The following PES1 variants were observed in gnomAD, a reference collection of about 807,000 sequenced individuals.
PES1 encodes pescadillo ribosomal biogenesis factor 1.
A neutral mutation model predicts 77.1 loss-of-function variants in PES1; 31 were observed. The ratio of observed to expected loss-of-function variants is 0.40; its 90% CI spans 0.30 to 0.54. The LOEUF is 0.54. Ranked by LOEUF, PES1 falls within the 20% of genes least tolerant of loss-of-function variation. The pLI, the probability that PES1 is intolerant of heterozygous loss-of-function variation, is 0.45. For missense variants in PES1, 658 were observed against 771.7 expected, an observed-to-expected ratio of 0.85 and a Z score of 1.75; for synonymous variants, 282 against 303.0, an observed-to-expected ratio of 0.93 and a Z score of 0.72.
chr22:30,595,516 C>T (rs1029130938), upstream of PES1, among the ~76,000 whole-genome samples: 11 of 132,248 alleles, frequency 8.3e-5, no homozygotes, highest in Admixed American at 2.7e-4. Flanking sequence ...CCAGCCTGGG[C>T]GACAAGAGTG....
In PES1 at chr22:30,591,809, C is replaced by A; in HGVS notation, c.24+1G>T. 6.4e-7 allele frequency: 1 copy of A among 1,564,018 alleles called. No individual in the cohort carries two copies. Among genetic ancestry groups the A allele is most frequent in the South Asian group, 1.2e-5 (1 of 84,838 alleles). ...GAATCCCCACCGTCTTTCCCAATCACCTTCTTCTTCTCAAGGCCTCCCATC... is the reference window on the plus strand; with the variant it reads ...GAATCCCCACCGTCTTTCCCAATCAACTTCTTCTTCTCAAGGCCTCCCATC... On this transcript the variant is annotated splice_donor_variant, in intron 1 of 14. Coordinates refer to ENST00000354694, the MANE Select transcript of PES1 (RefSeq NM_014303.4). LOFTEE classifies it high-confidence loss of function.
upstream of PES1, among the ~76,000 whole-genome samples, chr22:30,594,941 G>A (rs1168662351): frequency 6.6e-6 from 1 of 152,108 alleles, no homozygotes; most frequent in Non-Finnish European, 1.5e-5. Context: ...GCAGTGAGGT[G>A]TGTTCACGCC....
intron 1 of PES1, among the ~76,000 whole-genome samples, chr22:30,591,137 G>C (rs2087170205): frequency 6.7e-6 from 1 of 148,978 alleles, no homozygotes; most frequent in Admixed American, 6.6e-5. Flanking sequence ...ACTGCACGTA[G>C]AATAAAATCC....
At chr22:30,597,838 C>A (rs565452039) in intron 2 of PES1, among the ~76,000 whole-genome samples, 1 of 150,568 alleles carries the variant, frequency 6.6e-6, no homozygotes, top group Non-Finnish European at 1.5e-5. Flanking sequence ...CCCGACTCAG[C>A]TGTGGTAACT....
At position 30,605,906 on chromosome 22, in the gene PES1, T is replaced by G. The variant is rs374372043; in HGVS notation, c.-717-389A>C. On this transcript the variant is annotated intron_variant, in intron 1 of 16. Transcript: ENST00000402281. Reference sequence around the variant, plus strand: ...ACCATAAAATAATTGCAATGCAGATTGTGCATGGAAATGATTGGAGATATT... The same window carrying G: ...ACCATAAAATAATTGCAATGCAGATGGTGCATGGAAATGATTGGAGATATT... Among the ~76,000 whole-genome samples, 106 of 152,352 alleles carry G rather than the reference T, an allele frequency of 7.0e-4. 2 individuals are homozygous for G. The South Asian group carries it at 0.021, about 31-fold the overall frequency.
intron 2 of PES1, among the ~76,000 whole-genome samples, chr22:30,588,926 T>C (rs537563687): frequency 6.6e-6 from 1 of 152,322 alleles, no homozygotes; most frequent in African/African-American, 2.4e-5. Context: ...GGGTCTCTTC[T>C]ACCAGATAGG....
intron 2 of PES1, chr22:30,598,195 C>T (rs2087294431): frequency 6.6e-6 from 1 of 152,174 alleles, no homozygotes; most frequent in African/African-American, 2.4e-5. Context: ...TAAGCTGTAA[C>T]ACTCACTGGG....
Position 30,579,254 on chromosome 22 carries a change from T to A in PES1, c.1404A>T (p.Glu468Asp), listed in dbSNP as rs1414154123. Residue 468 changes from glutamate to aspartate, a missense_variant, in exon 13 of 15, where the codon GAA (glutamate) becomes GAT (aspartate). By Grantham distance (45) the Glu-to-Asp change is conservative (BLOSUM62 2). Coordinates refer to ENST00000354694, the MANE Select transcript of PES1 (RefSeq NM_014303.4). ...TTTCTCCCTCTTCATCACCATCACCTTCGTTGTTGTCGTCCTCTTCCTCCT... is the reference window on the plus strand; with the variant it reads ...TTTCTCCCTCTTCATCACCATCACCATCGTTGTTGTCGTCCTCTTCCTCCT... ...EEEEEEDDNNEGDGDEEGENE... is the reference protein window; with the variant it reads ...EEEEEEDDNNDGDGDEEGENE... The A allele has an allele frequency of 6.2e-7, 1 of 1,602,938 alleles. No individual in the cohort carries two copies. The highest frequency in any genetic ancestry group is 8.5e-7 in the Non-Finnish European group (1 of 1,179,314).
At chr22:30,580,933 G>A (rs1202042995) in intron 9 of PES1, 79 bp downstream of exon 9, 2 of 1,284,776 alleles carry the variant, frequency 1.6e-6, no homozygotes, top group East Asian at 2.4e-5. Context: ...CTAATTATAG[G>A]ATGCAAATGT....
At chr22:30,584,073 A>G (rs1003833475) in intron 6 of PES1, among the ~76,000 whole-genome samples, 5 of 152,252 alleles carry the variant, frequency 3.3e-5, no homozygotes, top group African/African-American at 1.2e-4. Flanking sequence ...TCGGCCCTAA[A>G]AGGCCAAGCA....
At chr22:30,595,538 CAAAAA>C (rs377364940), upstream of PES1, among the ~76,000 whole-genome samples, 14,565 of 80,938 alleles carry the variant, frequency 0.18, 1,018 homozygotes, top group African/African-American at 0.23. Flanking sequence ...GACAGTGTCT[CAAAAA>C]AAAAAAAAAA....
chr22:30,598,885 ATTTTTT>A (rs71200084), intron 2 of PES1, among the ~76,000 whole-genome samples: 230 of 51,210 alleles, frequency 4.5e-3, no homozygotes, highest in African/African-American at 0.015. Flanking sequence ...CTTAAGTAAA[ATTTTTT>A]TTTTTTTTTT....
chr22:30,592,241 C>G (rs746456034), upstream of PES1: 45 of 1,014,614 alleles, frequency 4.4e-5, no homozygotes, highest in Non-Finnish European at 5.3e-5. Flanking sequence ...CGCCGCACTC[C>G]ATGGTGCGCG....
intron 2 of PES1, among the ~76,000 whole-genome samples, chr22:30,597,398 T>C (rs1359227371): frequency 6.6e-6 from 1 of 151,648 alleles, no homozygotes; most frequent in Non-Finnish European, 1.5e-5. Flanking sequence ...ATCAGCACTC[T>C]ATATGTAGCT....
rs900748496 is a variant in PES1 at position 30,601,032 on chromosome 22, C to T, written c.-661+4429G>A. Among the ~76,000 whole-genome samples, 13 of 152,336 alleles carry T rather than the reference C, an allele frequency of 8.5e-5. No individual in the cohort carries two copies. In the East Asian group the frequency reaches 2.5e-3, roughly 29 times the overall value. On this transcript the variant is annotated intron_variant, in intron 2 of 16. Transcript: ENST00000402281. ...CAAGGCAGTTGTACTGCTTACATGA[C>T]AGCTCAGTACTCCAGCTCAAGTGTT...
At chr22:30,600,985 G>GT (rs770922495) in intron 2 of PES1, among the ~76,000 whole-genome samples, 2 of 152,250 alleles carry the variant, frequency 1.3e-5, no homozygotes, top group African/African-American at 2.4e-5. Flanking sequence ...GATTACCTTT[G>GT]TGGATCAGTT....
At chr22:30,602,450 T>TTTTTTG (rs2087370803) in intron 2 of PES1, among the ~76,000 whole-genome samples, 1 of 150,824 alleles carries the variant, frequency 6.6e-6, no homozygotes, top group South Asian at 2.1e-4. Flanking sequence ...TTTTTTTTTT[T>TTTTTTG]GACACAAGAG....
upstream of PES1, among the ~76,000 whole-genome samples, chr22:30,594,289 G>A (rs1019785866): frequency 2.0e-5 from 3 of 152,220 alleles, no homozygotes; most frequent in African/African-American, 7.2e-5. Flanking sequence ...GGAGGCCAAG[G>A]TGGGTGGATC....
chr22:30,598,011 G>C (rs975238800), intron 2 of PES1, among the ~76,000 whole-genome samples: 1 of 150,996 alleles, frequency 6.6e-6, no homozygotes, highest in African/African-American at 2.4e-5. Context: ...AGCCTCCCAA[G>C]TAGCTGGGAC....
Sources: allele counts gnomAD v4.1 joint callset (sites outside exome capture counted in the v4.1 genomes callset), GRCh38; gene constraint gnomAD v4.1.1; transcripts MANE v1.5; gene names NCBI Gene and HGNC (gene_info 2026-07-23, HGNC 2026-07-21).